EXOC4: variants seen among roughly 807,000 people sequenced by gnomAD.
EXOC4 encodes the protein SEC8-like 1.
Under a neutral mutation model 107.2 loss-of-function variants are expected in EXOC4, and 71 were observed. The ratio of observed to expected loss-of-function variants is 0.66; its 90% CI spans 0.55 to 0.81. The LOEUF (loss-of-function observed/expected upper bound fraction) is 0.81, where lower values mean the gene tolerates loss of function less well. Among genes scored for constraint, EXOC4 ranks in the 30% least tolerant of loss-of-function variants. The pLI, the probability that EXOC4 is intolerant of heterozygous loss-of-function variation, is 0.00. For synonymous variants in EXOC4, 456 were observed against 441.2 expected, an observed-to-expected ratio of 1.03 and a Z score of -0.42; for missense variants, 1,108 against 1,189.6, an observed-to-expected ratio of 0.93 and a Z score of 1.01.
chr7:133,610,882 G>C (rs1802060921), intron 9 of EXOC4, among the ~76,000 whole-genome samples: 2 of 151,324 alleles, frequency 1.3e-5, no homozygotes. Context: ...CGTGATTAGG[G>C]CTCACTGCAG....
At chr7:133,970,229 C>T (rs1801171812) in intron 14 of EXOC4, among the ~76,000 whole-genome samples, 3 of 152,214 alleles carry the variant, frequency 2.0e-5, no homozygotes, top group Non-Finnish European at 4.4e-5. Flanking sequence ...CGACTTCAGA[C>T]TGCTATGCTG....
chr7:133,678,869 C>A (rs1445878752), intron 10 of EXOC4, among the ~76,000 whole-genome samples: 1 of 152,168 alleles, frequency 6.6e-6, no homozygotes, highest in African/African-American at 2.4e-5. Context: ...TTCTCCCCGC[C>A]TTGACCTCCC....
At chr7:133,285,031 A>G (rs2150539046) in intron 2 of EXOC4, among the ~76,000 whole-genome samples, 1 of 152,168 alleles carries the variant, frequency 6.6e-6, no homozygotes, top group South Asian at 2.1e-4. Context: ...TTATATATTA[A>G]CTTCCAACTA....
chr7:133,975,127 CCT>C (rs1280819121), intron 14 of EXOC4, among the ~76,000 whole-genome samples: 1 of 151,804 alleles, frequency 6.6e-6, no homozygotes, highest in Non-Finnish European at 1.5e-5. Flanking sequence ...TGGAAATTCA[CCT>C]CTCTGAGAAG....
chr7:134,036,666 A>G (rs1430683353), intron 17 of EXOC4, among the ~76,000 whole-genome samples: 2 of 152,238 alleles, frequency 1.3e-5, no homozygotes, highest in African/African-American at 2.4e-5. Context: ...TATAATTCAT[A>G]GATTCTAGAA....
intron 13 of EXOC4, among the ~76,000 whole-genome samples, chr7:133,919,186 A>G (rs190931459): frequency 3.3e-5 from 5 of 152,298 alleles, no homozygotes; most frequent in East Asian, 3.9e-4. Context: ...AGTTAATTAT[A>G]TAAGAAAACT....
chr7:133,385,201 T>C (rs1156674934), intron 7 of EXOC4, among the ~76,000 whole-genome samples: 2 of 152,228 alleles, frequency 1.3e-5, no homozygotes, highest in Non-Finnish European at 2.9e-5. Flanking sequence ...GTATCACGTC[T>C]ACTGTGTTCT....
intron 9 of EXOC4, among the ~76,000 whole-genome samples, chr7:133,596,837 G>A (rs1043236894): frequency 2.3e-4 from 35 of 152,094 alleles, no homozygotes; most frequent in African/African-American, 7.2e-4. Flanking sequence ...GAGCCTTTAC[G>A]GGAAGACCCT....
chr7:133,610,922 C>T (rs1802061972), intron 9 of EXOC4, among the ~76,000 whole-genome samples: 1 of 151,622 alleles, frequency 6.6e-6, no homozygotes, highest in Admixed American at 6.6e-5. Context: ...AGTAGTCCTC[C>T]CACCTCAGCC....
At chr7:133,546,324 T>G (rs920255419) in intron 9 of EXOC4, among the ~76,000 whole-genome samples, 1 of 150,820 alleles carries the variant, frequency 6.6e-6, no homozygotes, top group African/African-American at 2.4e-5. Flanking sequence ...TGGCACGATC[T>G]TGGTCACTGC....
intron 7 of EXOC4, among the ~76,000 whole-genome samples, chr7:133,397,762 C>G (rs1346261784): frequency 6.6e-6 from 1 of 152,050 alleles, no homozygotes; most frequent in African/African-American, 2.4e-5. Context: ...TCCATTTATT[C>G]TCTCCATTAA....
chr7:133,408,628 C>G (rs1361183723), intron 7 of EXOC4, among the ~76,000 whole-genome samples: 3 of 152,002 alleles, frequency 2.0e-5, no homozygotes, highest in African/African-American at 7.3e-5. Context: ...TTTCTTTTGT[C>G]CTAACCTCTG....
the EXOC4 span, among the ~76,000 whole-genome samples, chr7:134,077,898 A>G: frequency 1.3e-5 from 2 of 152,236 alleles, no homozygotes; most frequent in African/African-American, 4.8e-5. Flanking sequence ...GTTACAGAGA[A>G]TAGGAATCTA....
chr7:133,878,430 T>C (rs1367622284), intron 11 of EXOC4, among the ~76,000 whole-genome samples: 1 of 152,258 alleles, frequency 6.6e-6, no homozygotes, highest in African/African-American at 2.4e-5. Flanking sequence ...TATTTCCTGT[T>C]ACTAGAAGTT....
At chr7:133,655,740 T>A (rs1372235444) in intron 10 of EXOC4, among the ~76,000 whole-genome samples, 1 of 152,212 alleles carries the variant, frequency 6.6e-6, no homozygotes, top group Non-Finnish European at 1.5e-5. Flanking sequence ...AACAATACTT[T>A]CTTCTGGAAT....
At chr7:133,754,192 A>T (rs547878338) in intron 10 of EXOC4, among the ~76,000 whole-genome samples, 1 of 152,258 alleles carries the variant, frequency 6.6e-6, no homozygotes, top group Admixed American at 6.5e-5. Flanking sequence ...TTGGAGGTAA[A>T]GGGGAGGGAG....
At position 133,428,542 on chromosome 7, in the gene EXOC4, C is replaced by A. The variant is rs2150771211; in HGVS notation, c.1183-46786C>A. ...CTATTCTGTTCTGTTCTGCTCTATT[C>A]TATTCTTATTTTATTATAATCCTTG... On this transcript the variant is annotated intron_variant, in intron 7 of 17. Transcript: ENST00000253861. Among the ~76,000 whole-genome samples the A allele has an allele frequency of 2.6e-5, 4 of 152,294 alleles. No homozygotes were observed. In the South Asian group the frequency reaches 8.3e-4, roughly 32 times the overall value.
chr7:133,852,184 A>T (rs564002504), intron 11 of EXOC4, among the ~76,000 whole-genome samples: 92 of 149,962 alleles, frequency 6.1e-4, no homozygotes, highest in African/African-American at 2.1e-3. Flanking sequence ...TAATAAATAA[A>T]TTTTTTATTC....
At chr7:133,832,311 T>C (rs1438970720) in intron 11 of EXOC4, among the ~76,000 whole-genome samples, 1 of 152,226 alleles carries the variant, frequency 6.6e-6, no homozygotes, top group African/African-American at 2.4e-5. Flanking sequence ...TCCCAAATGA[T>C]GTTTTTAATT....
Sources: gnomAD v4.1 joint callset for allele counts (sites outside exome capture counted in the v4.1 genomes callset) on GRCh38, gnomAD v4.1.1 for gene constraint, MANE v1.5 for transcripts, NCBI Gene and HGNC (gene_info 2026-07-23, HGNC 2026-07-21) for gene names.